Variants in SAMSN1 observed in about 807,000 individuals in gnomAD.
SAMSN1 encodes the protein SAM domain-containing protein SAMSN-1.
Under a neutral mutation model 42.0 loss-of-function variants are expected in SAMSN1, and 31 were observed. The ratio of observed to expected loss-of-function variants is 0.74; its 90% CI spans 0.55 to 1.00. The LOEUF is 1.00. SAMSN1 is among the 50% of genes least tolerant of loss of function. SAMSN1 has a pLI of 0.00. For missense variants in SAMSN1, 464 were observed against 439.4 expected, an observed-to-expected ratio of 1.06 and a Z score of -0.50; for synonymous variants, 178 against 151.9, an observed-to-expected ratio of 1.17 and a Z score of -1.26.
intron 7 of SAMSN1, among the ~76,000 whole-genome samples, chr21:14,494,330 A>T (rs1986819533): frequency 1.3e-5 from 2 of 152,204 alleles, no homozygotes; most frequent in Admixed American, 1.3e-4. Context: ...TCAATGACAG[A>T]CTGGATAAAG....
upstream of SAMSN1, among the ~76,000 whole-genome samples, chr21:14,586,048 A>C (rs1461343975): frequency 6.6e-6 from 1 of 151,996 alleles, no homozygotes; most frequent in African/African-American, 2.4e-5. Context: ...GCGGATCATG[A>C]GGTCAGGAGA....
intron 7 of SAMSN1, among the ~76,000 whole-genome samples, chr21:14,489,611 T>C (rs1173330413): frequency 6.6e-6 from 1 of 152,166 alleles, no homozygotes; most frequent in African/African-American, 2.4e-5. Flanking sequence ...TTCTTATTGC[T>C]GCCAGCTGAC....
intron 1 of SAMSN1, among the ~76,000 whole-genome samples, chr21:14,535,505 A>G (rs1979549374): frequency 6.6e-6 from 1 of 152,200 alleles, no homozygotes; most frequent in Non-Finnish European, 1.5e-5. Context: ...GTACAAGCTC[A>G]TGGACTATGT....
At chr21:14,618,509 A>G (rs1982902239) in intron 2 of SAMSN1, among the ~76,000 whole-genome samples, 1 of 152,212 alleles carries the variant, frequency 6.6e-6, no homozygotes. Flanking sequence ...GCAGCTGTGG[A>G]AAATGTAAAT....
chr21:14,554,752 G>A (rs1303290362), intron 2 of SAMSN1, among the ~76,000 whole-genome samples: 2 of 141,642 alleles, frequency 1.4e-5, no homozygotes, highest in African/African-American at 5.4e-5. Flanking sequence ...AGGCTAGAAT[G>A]CAGTGGCACA....
intron 3 of SAMSN1, among the ~76,000 whole-genome samples, chr21:14,514,178 T>G (rs1271707002): frequency 6.6e-6 from 1 of 152,246 alleles, no homozygotes; most frequent in Non-Finnish European, 1.5e-5. Context: ...CTCAGTATTC[T>G]GCTGAAGTAT....
At chr21:14,658,164 C>T (rs1174850246) in intron 1 of SAMSN1, among the ~76,000 whole-genome samples, 1 of 151,770 alleles carries the variant, frequency 6.6e-6, no homozygotes, top group Non-Finnish European at 1.5e-5. Flanking sequence ...TTTCACTGAT[C>T]CACTTCAGGC....
At chr21:14,652,981 T>C (rs761677275) in intron 1 of SAMSN1, among the ~76,000 whole-genome samples, 4 of 152,066 alleles carry the variant, frequency 2.6e-5, no homozygotes, top group Non-Finnish European at 5.9e-5. Context: ...AAAACTACAA[T>C]GAGATGTTAT....
intron 7 of SAMSN1, among the ~76,000 whole-genome samples, chr21:14,493,924 C>T (rs1270660368): frequency 1.3e-5 from 2 of 152,140 alleles, no homozygotes; most frequent in Non-Finnish European, 2.9e-5. Context: ...CAGAGGTAAT[C>T]CTGTGATCAG....
chr21:14,657,653 A>G (rs1983938201), intron 1 of SAMSN1, among the ~76,000 whole-genome samples: 1 of 151,868 alleles, frequency 6.6e-6, no homozygotes, highest in African/African-American at 2.4e-5. Context: ...TAGATCAACT[A>G]GAAAAGTATG....
intron 2 of SAMSN1, among the ~76,000 whole-genome samples, chr21:14,639,767 A>T (rs1049049299): frequency 1.3e-5 from 2 of 151,830 alleles, no homozygotes; most frequent in African/African-American, 4.8e-5. Context: ...TTTTCAGCGC[A>T]TTTACTTAGC....
chr21:14,486,015 C>A lies in SAMSN1; in HGVS notation c.1019G>T (p.Cys340Phe), dbSNP rs773933886. The change falls in exon 8 of 8, where the codon TGC (cysteine) becomes TTC (phenylalanine). Residue 340 changes from cysteine to phenylalanine, a missense_variant. Coordinates refer to ENST00000400566, the MANE Select transcript of SAMSN1 (RefSeq NM_022136.5). ...QLDDCPRDSG[C>F]YISSGNSDNG... Reference sequence around the variant, plus strand: ...ATCTGAATTTCCTGATGAGATATAGCAACCAGAGTCCCTTGGGCAGTCATC... The same window carrying A: ...ATCTGAATTTCCTGATGAGATATAGAAACCAGAGTCCCTTGGGCAGTCATC... The A allele has an allele frequency of 1.9e-6, 3 of 1,613,620 alleles. No homozygotes were observed. The South Asian group carries it at 3.3e-5, about 18-fold the overall frequency.
Position 14,623,819 on chromosome 21 carries a change from A to T in SAMSN1, c.157-7803T>A, listed in dbSNP as rs1469022895. 2.6e-5 allele frequency among the ~76,000 whole-genome samples: 4 copies of T among 152,228 alleles called. 1 individual carries two copies. The highest frequency in any genetic ancestry group is 2.6e-4 in the Admixed American group (4 of 15,282). On this transcript the variant is annotated intron_variant, in intron 2 of 15. Coordinates refer to the SAMSN1 transcript ENST00000647101. ...ACTCTCCACCCCAATTCAACAGAAT[A>T]TACATTCTTTTCAGCACCACACCAC... is the stretch of plus-strand genomic sequence containing the variant.
rs748233662 is a variant in SAMSN1, at chr21:14,486,124, G to A, written c.920-10C>T. On this transcript the variant is annotated splice_polypyrimidine_tract_variant and intron_variant, in intron 7 of 7. Transcript: ENST00000400566. The stretch of plus-strand genomic sequence containing the variant: ...TCTTGCTCTTGAATAACTGTAAATG[G>A]AAAAAAAGGGCAGGAGTTAGGTAAA... 1.3e-6 allele frequency: 2 copies of A among 1,596,376 alleles called. No individual in the cohort carries two copies. The highest frequency in any genetic ancestry group is 2.2e-5 in the South Asian group (2 of 89,940).
intron 2 of SAMSN1, among the ~76,000 whole-genome samples, chr21:14,626,757 G>C (rs190534906): frequency 2.6e-4 from 39 of 152,232 alleles, no homozygotes; most frequent in African/African-American, 7.9e-4. Context: ...TTCCATTTGA[G>C]CCAGCCATCC....
At chr21:14,564,378 T>C (rs962393322) in intron 2 of SAMSN1, among the ~76,000 whole-genome samples, 1 of 152,180 alleles carries the variant, frequency 6.6e-6, no homozygotes, top group African/African-American at 2.4e-5. Flanking sequence ...CATTTATTGA[T>C]AATCTGCTAT....
intron 5 of SAMSN1, among the ~76,000 whole-genome samples, chr21:14,509,446 G>A (rs1211433776): frequency 1.3e-5 from 2 of 152,200 alleles, no homozygotes. Context: ...CAAATAGAGT[G>A]CAGTGTATAC....
intron 3 of SAMSN1, among the ~76,000 whole-genome samples, chr21:14,516,320 T>C (rs1429166304): frequency 6.6e-6 from 1 of 152,234 alleles, no homozygotes; most frequent in African/African-American, 2.4e-5. Context: ...GAAGTACTGA[T>C]ACTTGCTACT....
At chr21:14,549,342 C>T (rs990336241), upstream of SAMSN1, among the ~76,000 whole-genome samples, 4 of 152,126 alleles carry the variant, frequency 2.6e-5, no homozygotes, top group Non-Finnish European at 5.9e-5. Flanking sequence ...ATTAATCCTA[C>T]TCTACATTTT....
Sources: allele counts gnomAD v4.1 joint callset (sites outside exome capture counted in the v4.1 genomes callset), GRCh38; gene constraint gnomAD v4.1.1; transcripts MANE v1.5; gene names NCBI Gene and HGNC (gene_info 2026-07-23, HGNC 2026-07-21).